ANK3: variants seen among roughly 807,000 people sequenced by gnomAD.
ANK3 encodes ankyrin-3.
A neutral mutation model predicts 370.9 loss-of-function variants in ANK3; 57 were observed. That is an observed-to-expected ratio of 0.15 (90% CI 0.12 to 0.19). The LOEUF is 0.19. ANK3 is among the 10% of genes least tolerant of loss of function. The pLI, the probability that ANK3 is intolerant of heterozygous loss-of-function variation, is 1.00. For missense variants in ANK3, 4,439 were observed against 5,302.1 expected (o/e 0.84, Z 5.06); for synonymous variants, 1,929 against 1,946.3 (o/e 0.99, Z 0.23).
At chr10:60,582,435 T>C (rs1317989173) in intron 2 of ANK3, among the ~76,000 whole-genome samples, 2 of 152,048 alleles carry the variant, frequency 1.3e-5, no homozygotes, top group Non-Finnish European at 2.9e-5. Flanking sequence ...AACTCAATGA[T>C]GCCCTCATAT....
At chr10:60,151,276 G>C (rs1242766050) in intron 23 of ANK3, among the ~76,000 whole-genome samples, 1 of 152,164 alleles carries the variant, frequency 6.6e-6, no homozygotes, top group Non-Finnish European at 1.5e-5. Context: ...CCCAGTGTTG[G>C]AGGTGGGGCC....
intron 2 of ANK3, among the ~76,000 whole-genome samples, chr10:60,515,492 T>A (rs2076195423): frequency 6.6e-6 from 1 of 152,184 alleles, no homozygotes; most frequent in Non-Finnish European, 1.5e-5. Context: ...AATAAAGCAG[T>A]GATAGACAAG....
chr10:60,727,938 G>GA (rs994670293), intron 1 of ANK3, among the ~76,000 whole-genome samples: 6 of 151,688 alleles, frequency 4.0e-5, no homozygotes, highest in South Asian at 2.1e-4. Context: ...ACATAAGTTT[G>GA]AAAAAAAATA....
At chr10:60,574,630 A>G (rs978896181) in intron 2 of ANK3, among the ~76,000 whole-genome samples, 2 of 152,188 alleles carry the variant, frequency 1.3e-5, no homozygotes, top group Admixed American at 6.5e-5. Context: ...AAATCTGGGG[A>G]ACTGGCAGTA....
intron 12 of ANK3, among the ~76,000 whole-genome samples, chr10:60,201,642 T>C (rs2096675374): frequency 6.6e-6 from 1 of 151,902 alleles, no homozygotes; most frequent in Non-Finnish European, 1.5e-5. Context: ...CAGAATTCCA[T>C]GGGTTTGCTA....
chr10:60,296,007 C>T (rs2042417883), intron 1 of ANK3, among the ~76,000 whole-genome samples: 1 of 152,128 alleles, frequency 6.6e-6, no homozygotes, highest in Non-Finnish European at 1.5e-5. Flanking sequence ...TCTTGATTGA[C>T]CTCATGATAC....
intron 1 of ANK3, among the ~76,000 whole-genome samples, chr10:60,642,986 C>T (rs187935399): frequency 3.3e-5 from 5 of 152,046 alleles, no homozygotes; most frequent in Admixed American, 3.3e-4. Flanking sequence ...AAATGTGAAG[C>T]ATTATTTTCA....
At chr10:60,243,702 G>GTAT (rs1462042507) in intron 7 of ANK3, among the ~76,000 whole-genome samples, 2 of 152,194 alleles carry the variant, frequency 1.3e-5, no homozygotes, top group African/African-American at 4.8e-5. Context: ...TATATTATTT[G>GTAT]TATTACTTAT....
At chr10:60,318,641 G>A (rs944557602) in intron 1 of ANK3, among the ~76,000 whole-genome samples, 1 of 152,124 alleles carries the variant, frequency 6.6e-6, no homozygotes, top group Non-Finnish European at 1.5e-5. Flanking sequence ...TTCTGCATGA[G>A]GCCATTGGGG....
Position 60,715,837 on chromosome 10 carries a change from G to C in ANK3, c.57+17426C>G, listed in dbSNP as rs114847899. Among the ~76,000 whole-genome samples the C allele has an allele frequency of 2.4e-3, 368 of 151,498 alleles. 1 individual carries two copies. Among genetic ancestry groups the C allele is most frequent in the African/African-American group, 8.7e-3 (357 of 41,238 alleles). On this transcript the variant is annotated intron_variant, in intron 1 of 43. Coordinates refer to the ANK3 transcript ENST00000373827. ...AAAACCATTAAGGTTCTAATCTGAAGATCACAGGTTTGAAACTTAAGGACC... is the reference window on the plus strand; with the variant it reads ...AAAACCATTAAGGTTCTAATCTGAACATCACAGGTTTGAAACTTAAGGACC...
intron 40 of ANK3, chr10:60,060,055 C>G: frequency 1.4e-6 from 2 of 1,388,194 alleles, no homozygotes; most frequent in Non-Finnish European, 1.9e-6. Flanking sequence ...TAGAATACAT[C>G]AAACAAAAAC....
chr10:60,471,142 A>G (rs1370266381), intron 2 of ANK3, among the ~76,000 whole-genome samples: 1 of 152,184 alleles, frequency 6.6e-6, no homozygotes, highest in Non-Finnish European at 1.5e-5. Context: ...TACACTGACA[A>G]AAAATAGTAA....
Position 60,280,787 on chromosome 10 carries a change from C to T in ANK3, c.115-1148G>A, listed in dbSNP as rs565567235. Among the ~76,000 whole-genome samples the T allele has an allele frequency of 1.4e-4, 21 of 152,294 alleles. No individual in the cohort carries two copies. In the East Asian group the frequency reaches 1.7e-3, roughly 13 times the overall value. Reference sequence around the variant, plus strand: ...CTTCTTTCAGCAATATGGTAAACACCGCCTTCAAAGGCTTTGTTCATGCCG... The same window carrying T: ...CTTCTTTCAGCAATATGGTAAACACTGCCTTCAAAGGCTTTGTTCATGCCG... On this transcript the variant is annotated intron_variant, in intron 1 of 43. Transcript: ENST00000280772.
chr10:60,713,137 TAAC>T (rs2079733442), intron 1 of ANK3, among the ~76,000 whole-genome samples: 2 of 152,178 alleles, frequency 1.3e-5, no homozygotes, highest in South Asian at 4.1e-4. Context: ...GTACTTCATC[TAAC>T]AACAGCAGAA....
At chr10:60,034,020 A>C (rs980313309) in intron 43 of ANK3, among the ~76,000 whole-genome samples, 3 of 148,452 alleles carry the variant, frequency 2.0e-5, no homozygotes, top group African/African-American at 7.7e-5. Context: ...TCTGCATTAC[A>C]CAGGAGTCTT....
At chr10:60,240,907 G>C (rs951589675) in intron 7 of ANK3, among the ~76,000 whole-genome samples, 1 of 152,148 alleles carries the variant, frequency 6.6e-6, no homozygotes, top group Non-Finnish European at 1.5e-5. Flanking sequence ...TAATCCAAAC[G>C]TTAACAATTT....
chr10:60,661,621 T>G (rs1358957736), intron 1 of ANK3, among the ~76,000 whole-genome samples: 1 of 152,170 alleles, frequency 6.6e-6, no homozygotes, highest in African/African-American at 2.4e-5. Context: ...ATTGTCTCTT[T>G]ACTTTGGATT....
At chr10:60,284,435 AC>A (rs1248702926) in intron 1 of ANK3, among the ~76,000 whole-genome samples, 2 of 152,158 alleles carry the variant, frequency 1.3e-5, no homozygotes, top group African/African-American at 2.4e-5. Flanking sequence ...AGGATGAGTG[AC>A]TTTCCCAGGG....
At chr10:60,239,108 G>GA (rs1280035081) in intron 7 of ANK3, among the ~76,000 whole-genome samples, 1 of 151,974 alleles carries the variant, frequency 6.6e-6, no homozygotes, top group Non-Finnish European at 1.5e-5. Flanking sequence ...ACATTAAGGA[G>GA]AAAAAAGAGT....
Sources: allele counts gnomAD v4.1 joint callset (sites outside exome capture counted in the v4.1 genomes callset), GRCh38; gene constraint gnomAD v4.1.1; transcripts MANE v1.5; gene names NCBI Gene and HGNC (gene_info 2026-07-23, HGNC 2026-07-21).